Variants in UTRN observed in about 807,000 individuals in gnomAD.
UTRN encodes utrophin.
UTRN carries 283 observed loss-of-function variants against 463.9 expected under a neutral mutation model. That is an observed-to-expected ratio of 0.61 (90% CI 0.55 to 0.67). The LOEUF is 0.67. Among genes scored for constraint, UTRN ranks in the 30% least tolerant of loss-of-function variants. UTRN has a pLI of 0.00. For missense variants in UTRN, 3,922 were observed against 4,084.3 expected (o/e 0.96, Z 1.08); for synonymous variants, 1,442 against 1,431.5 (o/e 1.01, Z -0.17).
At chr6:144,831,862 T>G (rs1219902069) in intron 69 of UTRN, among the ~76,000 whole-genome samples, 2 of 152,192 alleles carry the variant, frequency 1.3e-5, no homozygotes, top group Non-Finnish European at 2.9e-5. Context: ...CATTGCAGTT[T>G]GCAAATCTGA....
chr6:144,807,514 CT>C (rs1233530970), intron 65 of UTRN, among the ~76,000 whole-genome samples: 1 of 152,006 alleles, frequency 6.6e-6, no homozygotes, highest in Non-Finnish European at 1.5e-5. Flanking sequence ...TTTAAGAATT[CT>C]TTCATTAGGC....
At chr6:144,719,650 C>T (rs974541564) in intron 53 of UTRN, among the ~76,000 whole-genome samples, 1 of 152,116 alleles carries the variant, frequency 6.6e-6, no homozygotes, top group Non-Finnish European at 1.5e-5. Flanking sequence ...GAGGAAATAG[C>T]TTGGCATGTT....
intron 65 of UTRN, among the ~76,000 whole-genome samples, chr6:144,810,168 G>A (rs1778486706): frequency 6.6e-6 from 1 of 152,110 alleles, no homozygotes. Context: ...CAGGAATAAG[G>A]AGGGCACCTC....
chr6:144,578,064 G>A (rs1026809773), intron 51 of UTRN, among the ~76,000 whole-genome samples: 2 of 152,042 alleles, frequency 1.3e-5, no homozygotes, highest in African/African-American at 2.4e-5. Flanking sequence ...TTAGTCGGGC[G>A]TGGTGGTGCG....
Position 144,759,197 on chromosome 6 carries a change from CTGAGT to C in UTRN, c.8495+1213_8495+1217del, listed in dbSNP as rs535289700. Among the ~76,000 whole-genome samples the C allele has an allele frequency of 2.8e-3, 424 of 152,042 alleles. 1 individual carries two copies. The highest frequency in any genetic ancestry group is 9.6e-3 in the African/African-American group (399 of 41,492). On this transcript the variant is annotated intron_variant, in intron 58 of 74. Coordinates refer to ENST00000367545, the MANE Select transcript of UTRN (RefSeq NM_007124.3). ...AACCTACAATGCACTGAGTTGTGAACTGAGTTGAGAACAAGGTATTAAAGCAATTG... is the reference window on the plus strand; with the variant it reads ...AACCTACAATGCACTGAGTTGTGAACTGAGAACAAGGTATTAAAGCAATTG...
At position 144,840,722 on chromosome 6, in the gene UTRN, C is replaced by T; in HGVS notation, c.10178-18C>T. On this transcript the variant is annotated intron_variant, in intron 72 of 74. Coordinates refer to ENST00000367545, the MANE Select transcript of UTRN (RefSeq NM_007124.3). ...TTAATTTGAGAAGCTTTGTTGTTCT[C>T]TTTATTTGCTGTCACAGCGGGAGAG... is the stretch of plus-strand genomic sequence containing the variant. The T allele has an allele frequency of 6.2e-7, 1 of 1,613,412 alleles. No individual in the cohort carries two copies. Among genetic ancestry groups the T allele is most frequent in the Non-Finnish European group, 8.5e-7 (1 of 1,179,774 alleles).
In UTRN at chr6:144,423,616, A is replaced by T. The variant is rs371618253; in HGVS notation, c.302A>T (p.His101Leu). ...NNVNRVLQVL[H>L]QNNVELVNIG... is the part of the protein sequence containing the mutation. ...GTCAACAGAGTGCTGCAGGTTTTAC[A>T]TCAGAACAATGTAAGTGTGTAATGT... The change falls in exon 5 of 75, where the codon CAT (histidine) becomes CTT (leucine). Residue 101 changes from histidine to leucine, a missense_variant. Around this residue, in one of 3 missense-constraint regions of UTRN, gnomAD observed 264 missense variants for 327.9 expected, o/e 0.81. Transcript: ENST00000367545. 2.8e-5 allele frequency: 46 copies of T among 1,614,136 alleles called. No individual in the cohort carries two copies. Among genetic ancestry groups the T allele is most frequent in the Middle Eastern group, 1.6e-4 (1 of 6,084 alleles).
At chr6:144,821,143 G>T in intron 66 of UTRN, 125 bp downstream of exon 66, 3 of 1,199,686 alleles carry the variant, frequency 2.5e-6, no homozygotes, top group South Asian at 1.8e-5. Flanking sequence ...AATTAAACTT[G>T]GAATCAGTCT....
At chr6:144,805,197 T>C (rs1237724545) in intron 65 of UTRN, among the ~76,000 whole-genome samples, 1 of 152,054 alleles carries the variant, frequency 6.6e-6, no homozygotes, top group Non-Finnish European at 1.5e-5. Context: ...TGTCAGTAAT[T>C]TCAGCTCTGA....
chr6:144,655,692 A>G (rs1304867662), intron 51 of UTRN, among the ~76,000 whole-genome samples: 3 of 152,160 alleles, frequency 2.0e-5, no homozygotes, highest in Non-Finnish European at 2.9e-5. Context: ...TAGAATTTAC[A>G]TAGAAAACAT....
intron 2 of UTRN, among the ~76,000 whole-genome samples, chr6:144,292,842 G>A (rs1013679850): frequency 6.6e-6 from 1 of 152,192 alleles, no homozygotes; most frequent in African/African-American, 2.4e-5. Flanking sequence ...TTTATGTTCT[G>A]TTAGGAGCTT....
chr6:144,540,858 A>G (rs563700781), intron 45 of UTRN, among the ~76,000 whole-genome samples: 1 of 152,246 alleles, frequency 6.6e-6, no homozygotes, highest in South Asian at 2.1e-4. Context: ...GCTATGTGTG[A>G]TAAGGCAAAT....
intron 2 of UTRN, among the ~76,000 whole-genome samples, chr6:144,334,511 G>A (rs990184319): frequency 2.0e-5 from 3 of 152,202 alleles, no homozygotes; most frequent in Non-Finnish European, 4.4e-5. Flanking sequence ...GTTTGTGCCC[G>A]AGTTTGGGGT....
chr6:144,569,877 G>A (rs1800776594), intron 50 of UTRN, among the ~76,000 whole-genome samples: 1 of 152,110 alleles, frequency 6.6e-6, no homozygotes, highest in South Asian at 2.1e-4. Flanking sequence ...TGGATTTGAA[G>A]GTGGAAGAAG....
intron 22 of UTRN, among the ~76,000 whole-genome samples, chr6:144,462,372 A>G (rs1458636787): frequency 6.6e-6 from 1 of 152,114 alleles, no homozygotes; most frequent in African/African-American, 2.4e-5. Flanking sequence ...CAATGAACAT[A>G]GTGTGCATAT....
At chr6:144,755,550 C>T (rs1238197157) in intron 57 of UTRN, among the ~76,000 whole-genome samples, 1 of 152,120 alleles carries the variant, frequency 6.6e-6, no homozygotes, top group Admixed American at 6.6e-5. Flanking sequence ...TTACCTATTT[C>T]CTCTGATTGT....
intron 53 of UTRN, among the ~76,000 whole-genome samples, chr6:144,702,647 C>T (rs887491892): frequency 3.3e-5 from 5 of 152,126 alleles, no homozygotes; most frequent in Non-Finnish European, 7.3e-5. Context: ...GAAAGTATCA[C>T]AAATTGGGTG....
At chr6:144,757,496 C>A (rs951024503) in intron 57 of UTRN, among the ~76,000 whole-genome samples, 1 of 151,982 alleles carries the variant, frequency 6.6e-6, no homozygotes, top group Non-Finnish European at 1.5e-5. Flanking sequence ...GACTACGATG[C>A]AAAGTAAACA....
At position 144,593,849 on chromosome 6, in the gene UTRN, A is replaced by G. The variant is rs1332043372; in HGVS notation, c.7479+16561A>G. 5.3e-5 allele frequency among the ~76,000 whole-genome samples: 8 copies of G among 152,278 alleles called. No homozygotes were observed. In the East Asian group the frequency reaches 1.5e-3, roughly 29 times the overall value. Reference sequence around the variant, plus strand: ...TTTGACTGTTTCCAAAATTTAGTTCATTTTCAAAGGAAAAATATTTGTGAA... The same window carrying G: ...TTTGACTGTTTCCAAAATTTAGTTCGTTTTCAAAGGAAAAATATTTGTGAA... On this transcript the variant is annotated intron_variant, in intron 51 of 74. Transcript: ENST00000367545.
Sources: gnomAD v4.1 joint callset for allele counts (sites outside exome capture counted in the v4.1 genomes callset) on GRCh38, gnomAD v4.1.1 for gene constraint, gnomAD v4.1.1 regional missense constraint, MANE v1.5 for transcripts, NCBI Gene and HGNC (gene_info 2026-07-23, HGNC 2026-07-21) for gene names.